GLG1: variants seen among roughly 807,000 people sequenced by gnomAD.
GLG1 encodes Golgi apparatus protein 1.
A neutral mutation model predicts 160.5 loss-of-function variants in GLG1; 38 were observed. The observed-to-expected ratio is 0.24, with a 90% CI of 0.18 to 0.31. GLG1 has a LOEUF of 0.31. GLG1 is among the 10% of genes least tolerant of loss of function. The pLI is 1.00. For missense variants in GLG1, 1,373 were observed against 1,505.2 expected, an observed-to-expected ratio of 0.91 and a Z score of 1.45; for synonymous variants, 644 against 543.4, an observed-to-expected ratio of 1.19 and a Z score of -2.57.
At chr16:74,584,782 G>A (rs1958010088) in intron 1 of GLG1, among the ~76,000 whole-genome samples, 1 of 152,014 alleles carries the variant, frequency 6.6e-6, no homozygotes, top group Non-Finnish European at 1.5e-5. Context: ...TGGGTGTGGT[G>A]GTGCGCGCCT....
At chr16:74,493,714 C>A (rs1489118699) in intron 6 of GLG1, among the ~76,000 whole-genome samples, 1 of 152,100 alleles carries the variant, frequency 6.6e-6, no homozygotes, top group Non-Finnish European at 1.5e-5. Context: ...TGCATTCATT[C>A]AGGGACAAAG....
chr16:74,494,735 T>G (rs369038066), intron 6 of GLG1, 25 bp downstream of exon 6: 53 of 1,029,374 alleles, frequency 5.1e-5, no homozygotes, highest in Middle Eastern at 2.4e-4. Flanking sequence ...AATAAAACAT[T>G]CATTAGTTTC....
intron 11 of GLG1, 57 bp downstream of exon 11, chr16:74,480,182 CAA>C: frequency 7.2e-7 from 1 of 1,381,960 alleles, no homozygotes; most frequent in Non-Finnish European, 1.0e-6. Flanking sequence ...GAATATACAG[CAA>C]ACAATTTAAA....
chr16:74,597,457 GA>G (rs947964093), intron 1 of GLG1, among the ~76,000 whole-genome samples: 2 of 146,434 alleles, frequency 1.4e-5, no homozygotes, highest in Admixed American at 6.9e-5. Flanking sequence ...AAAGAAAAAA[GA>G]AAAAAAAAGC....
chr16:74,563,698 G>C (rs2018570698), intron 1 of GLG1, among the ~76,000 whole-genome samples: 2 of 142,030 alleles, frequency 1.4e-5, no homozygotes, highest in East Asian at 4.2e-4. Flanking sequence ...CTATTCTCCA[G>C]CCTGCGCAAC....
rs535092793 is a variant in GLG1, at chr16:74,450,304, T to C, written c.*2863A>G. Reference sequence around the variant, plus strand: ...CTTGACCATTTCTCAGCCAGTTGACTGACCTATAAGGCCAGGAACCAGGGG... The same window carrying C: ...CTTGACCATTTCTCAGCCAGTTGACCGACCTATAAGGCCAGGAACCAGGGG... On this transcript the variant is annotated 3_prime_UTR_variant, in exon 26 of 26. Coordinates refer to ENST00000422840, the MANE Select transcript of GLG1 (RefSeq NM_001145667.2). The C allele has an allele frequency of 1.3e-5, 2 of 152,428 alleles. No individual in the cohort carries two copies. The highest frequency in any genetic ancestry group is 4.1e-4 in the South Asian group (2 of 4,826). The allele number at this position is 152,428 out of a possible 1,614,324, so 9.4% of individuals were successfully genotyped here.
At chr16:74,547,197 CA>C (rs2018072590) in intron 1 of GLG1, among the ~76,000 whole-genome samples, 1 of 151,260 alleles carries the variant, frequency 6.6e-6, no homozygotes, top group Non-Finnish European at 1.5e-5. Context: ...TAAACAAAAA[CA>C]ATTTCTATAA....
intron 1 of GLG1, among the ~76,000 whole-genome samples, chr16:74,537,072 TAATA>T (rs1247494922): frequency 6.6e-6 from 1 of 152,204 alleles, no homozygotes; most frequent in Non-Finnish European, 1.5e-5. Context: ...ATGAAAAGTA[TAATA>T]AATAGCTGCT....
intron 25 of GLG1, among the ~76,000 whole-genome samples, chr16:74,456,281 C>T (rs1267802416): frequency 1.3e-5 from 2 of 152,214 alleles, no homozygotes; most frequent in South Asian, 4.1e-4. Context: ...AGGGAGACGG[C>T]TCCAGGCTCA....
chr16:74,490,844 T>A (rs1246883941), intron 8 of GLG1, among the ~76,000 whole-genome samples, 157 bp downstream of exon 8: 1 of 152,228 alleles, frequency 6.6e-6, no homozygotes, highest in Admixed American at 6.5e-5. Flanking sequence ...TACTAAGATA[T>A]GCCTGAAGAA....
intron 1 of GLG1, among the ~76,000 whole-genome samples, chr16:74,548,286 T>G (rs1255649323): frequency 6.6e-6 from 1 of 152,216 alleles, no homozygotes; most frequent in East Asian, 1.9e-4. Flanking sequence ...GCATAAATGA[T>G]TTTGCTGGCA....
At chr16:74,557,898 T>C (rs1010329861) in intron 1 of GLG1, among the ~76,000 whole-genome samples, 7 of 152,124 alleles carry the variant, frequency 4.6e-5, no homozygotes, top group Non-Finnish European at 8.8e-5. Flanking sequence ...GAAAGTGTCC[T>C]GTCTTGAAGA....
chr16:74,521,423 T>C (rs549943372), intron 2 of GLG1, among the ~76,000 whole-genome samples: 5 of 152,144 alleles, frequency 3.3e-5, no homozygotes, highest in Non-Finnish European at 5.9e-5. Context: ...TGATGATGAC[T>C]TGTATCAGGG....
intron 10 of GLG1, among the ~76,000 whole-genome samples, chr16:74,481,709 T>C (rs527516020): frequency 2.6e-5 from 4 of 152,344 alleles, no homozygotes; most frequent in East Asian, 1.9e-4. Context: ...CACACGTCTT[T>C]TGAGATAGGG....
At chr16:74,502,507 T>C (rs1052718821) in intron 4 of GLG1, among the ~76,000 whole-genome samples, 2 of 152,108 alleles carry the variant, frequency 1.3e-5, no homozygotes, top group African/African-American at 4.8e-5. Flanking sequence ...TTTTCTGATA[T>C]TTTATAGATG....
intron 25 of GLG1, among the ~76,000 whole-genome samples, chr16:74,454,379 T>A (rs529436674): frequency 7.9e-5 from 12 of 151,034 alleles, no homozygotes; most frequent in Admixed American, 3.3e-4. Context: ...AATTAAAAAA[T>A]TTTTTTTGGC....
intron 1 of GLG1, among the ~76,000 whole-genome samples, chr16:74,532,363 G>T (rs992010481): frequency 6.6e-6 from 1 of 152,032 alleles, no homozygotes; most frequent in Non-Finnish European, 1.5e-5. Flanking sequence ...AAAGGTACAT[G>T]AGACTTAACC....
intron 1 of GLG1, among the ~76,000 whole-genome samples, chr16:74,554,601 T>C (rs2018302171): frequency 6.6e-6 from 1 of 152,210 alleles, no homozygotes. Flanking sequence ...AAATGTAAGA[T>C]GGTCACTTAA....
intron 2 of GLG1, among the ~76,000 whole-genome samples, chr16:74,512,826 A>T (rs959244388): frequency 3.3e-5 from 5 of 152,238 alleles, no homozygotes; most frequent in African/African-American, 1.2e-4. Flanking sequence ...GAGATTTTAC[A>T]GAACACAAAG....
Sources: allele counts gnomAD v4.1 joint callset (sites outside exome capture counted in the v4.1 genomes callset), GRCh38; gene constraint gnomAD v4.1.1; transcripts MANE v1.5; gene names NCBI Gene and HGNC (gene_info 2026-07-23, HGNC 2026-07-21).